ABCC4: variants seen among roughly 807,000 people sequenced by gnomAD.
ABCC4 encodes the protein ATP-binding cassette sub-family C member 4.
In ABCC4, 102 loss-of-function variants were observed where a neutral mutation model predicts 168.5. That is an observed-to-expected ratio of 0.61 (90% CI 0.52 to 0.71). The LOEUF (loss-of-function observed/expected upper bound fraction) is 0.71, where lower values mean the gene tolerates loss of function less well. Among genes scored for constraint, ABCC4 ranks in the 30% least tolerant of loss-of-function variants. The probability of loss-of-function intolerance (pLI) is 0.00; values close to 1 mark genes in which losing one functional copy is unlikely to be tolerated. For missense variants in ABCC4, 1,402 were observed against 1,605.8 expected, an observed-to-expected ratio of 0.87 and a Z score of 2.17; for synonymous variants, 617 against 590.7, an observed-to-expected ratio of 1.04 and a Z score of -0.65.
chr13:95,299,928 G>A (rs1333483524), intron 1 of ABCC4, among the ~76,000 whole-genome samples: 6 of 152,102 alleles, frequency 3.9e-5, no homozygotes, highest in East Asian at 1.9e-4. Context: ...TGCAACCTCC[G>A]CCTACTGGGT....
chr13:95,151,528 A>G (rs1318130411), intron 19 of ABCC4, among the ~76,000 whole-genome samples: 1 of 136,112 alleles, frequency 7.3e-6, no homozygotes, highest in African/African-American at 3.2e-5. Flanking sequence ...AGGAAGAAGG[A>G]AGAAGAATGA....
chr13:95,075,365 C>T lies in ABCC4; in HGVS notation c.2806+67G>A, dbSNP rs1269935818. 9 of 1,604,534 alleles carry T rather than the reference C, an allele frequency of 5.6e-6. No homozygotes were observed. The Admixed American group carries it at 6.7e-5, about 12-fold the overall frequency. On this transcript the variant is annotated intron_variant, in intron 22 of 30. Transcript: ENST00000645237. ...GTGCCTGCCAACAAGCTCATCTGAC[C>T]AGGGAGGTTAAGCCAGAAAAAGCAG...
chr13:95,140,812 T>A (rs2036294780), intron 19 of ABCC4, among the ~76,000 whole-genome samples: 1 of 152,222 alleles, frequency 6.6e-6, no homozygotes, highest in South Asian at 2.1e-4. Context: ...TGCCCGACAT[T>A]TTCCATCACT....
At chr13:95,083,829 A>G (rs2034178147) in intron 20 of ABCC4, among the ~76,000 whole-genome samples, 1 of 151,976 alleles carries the variant, frequency 6.6e-6, no homozygotes, top group African/African-American at 2.4e-5. Flanking sequence ...GGCCCCCATT[A>G]GTTCTTTTGA....
intron 20 of ABCC4, among the ~76,000 whole-genome samples, chr13:95,107,674 C>T (rs1328938003): frequency 4.6e-5 from 7 of 152,128 alleles, no homozygotes; most frequent in Non-Finnish European, 5.9e-5. Flanking sequence ...CTCCTGTAAT[C>T]CCAGCACTTT....
intron 20 of ABCC4, among the ~76,000 whole-genome samples, chr13:95,115,162 G>A (rs1299352406): frequency 1.3e-5 from 2 of 151,710 alleles, no homozygotes; most frequent in African/African-American, 2.4e-5. Flanking sequence ...CAAACCACAT[G>A]AGCAACAGTA....
chr13:95,064,133 T>A (rs985646089), intron 25 of ABCC4, among the ~76,000 whole-genome samples: 5 of 151,966 alleles, frequency 3.3e-5, no homozygotes, highest in African/African-American at 1.2e-4. Flanking sequence ...AATGTAAATG[T>A]TTAAAAAGTG....
chr13:95,095,919 T>C (rs1402839387), intron 20 of ABCC4: 1 of 377,376 alleles, frequency 2.6e-6, no homozygotes, highest in South Asian at 1.4e-4. Context: ...GAGTACTCAA[T>C]AGAAAAATTG....
intron 13 of ABCC4, among the ~76,000 whole-genome samples, chr13:95,171,505 G>A (rs563289930): frequency 5.3e-5 from 8 of 150,908 alleles, no homozygotes; most frequent in Admixed American, 1.3e-4. Flanking sequence ...ACAGTGAGCC[G>A]TCATCACACC....
chr13:95,144,027 T>C (rs1013306527), intron 19 of ABCC4, among the ~76,000 whole-genome samples: 2 of 152,184 alleles, frequency 1.3e-5, no homozygotes, highest in African/African-American at 2.4e-5. Flanking sequence ...GTAACTCAAA[T>C]TGGAATTCTT....
rs182032686 is a variant in ABCC4 at position 95,277,184 on chromosome 13, G to A, written c.74+24057C>T. ...CCCACCACTAACAGGCACTCTTATA[G>A]GTTCTAGACCTAGGATCATTTTTAC... On this transcript the variant is annotated intron_variant, in intron 1 of 30. Transcript: ENST00000645237. Among the ~76,000 whole-genome samples the A allele has an allele frequency of 3.6e-3, 555 of 152,134 alleles. 1 individual carries two copies. Among genetic ancestry groups the A allele is most frequent in the South Asian group, 0.013 (63 of 4,816 alleles).
intron 13 of ABCC4, among the ~76,000 whole-genome samples, chr13:95,176,488 C>G (rs1040334669): frequency 2.6e-5 from 4 of 152,042 alleles, no homozygotes; most frequent in African/African-American, 9.7e-5. Context: ...GAGCGAGATC[C>G]TATCTAAAAA....
intron 3 of ABCC4, among the ~76,000 whole-genome samples, chr13:95,245,851 A>AC (rs942209800): frequency 1.4e-5 from 2 of 138,484 alleles, no homozygotes; most frequent in Admixed American, 7.1e-5. Context: ...ACAGGAGCAA[A>AC]CCCCCCCACA....
chr13:95,106,112 A>G (rs1445648372), intron 20 of ABCC4, among the ~76,000 whole-genome samples: 2 of 152,154 alleles, frequency 1.3e-5, no homozygotes, highest in African/African-American at 4.8e-5. Context: ...CAAAGACCTT[A>G]GAGGGGTTCA....
chr13:95,038,374 CAAAAAA>C (rs74617293), intron 29 of ABCC4, among the ~76,000 whole-genome samples: 1 of 97,646 alleles, frequency 1.0e-5, no homozygotes, highest in Non-Finnish European at 1.9e-5. Context: ...AGCCCATACT[CAAAAAA>C]AAAAAAAAAA....
At chr13:95,177,827 C>T (rs753395736) in intron 12 of ABCC4, 34 bp from the exon 13 acceptor site, 1 of 1,580,560 alleles carries the variant, frequency 6.3e-7, no homozygotes, top group Non-Finnish European at 8.7e-7. Flanking sequence ...GACTCTCACC[C>T]AGGAACATGA....
Position 95,044,337 on chromosome 13 carries a change from G to A in ABCC4, c.3558C>T (p.Cys1186=). The A allele has an allele frequency of 6.2e-7, 1 of 1,613,636 alleles. No homozygotes were observed. The highest frequency in any genetic ancestry group is 1.1e-5 in the South Asian group (1 of 90,940). The stretch of plus-strand genomic sequence containing the variant: ...TTTTCCTGAGAATTGCCCTGGCAAG[G>A]CACACCAGTTGTCTTTGTCCAACAC... The part of the protein sequence containing the change: ...NFSVGQRQLV[C]LARAILRKNQ... The change falls in exon 28 of 31, where the codon TGC becomes TGT. Residue 1186 remains cysteine, a synonymous_variant. Coordinates refer to ENST00000645237, the MANE Select transcript of ABCC4 (RefSeq NM_005845.5).
intron 9 of ABCC4, among the ~76,000 whole-genome samples, chr13:95,193,739 G>A (rs909517140): frequency 5.9e-5 from 9 of 152,182 alleles, no homozygotes; most frequent in Non-Finnish European, 8.8e-5. Context: ...TGCAAGTTAC[G>A]TAATCTGAGC....
At chr13:95,265,368 A>G (rs968655522) in intron 1 of ABCC4, among the ~76,000 whole-genome samples, 3 of 152,194 alleles carry the variant, frequency 2.0e-5, no homozygotes, top group East Asian at 1.9e-4. Flanking sequence ...ACCAGATGTT[A>G]AAGTATTTCA....
Sources: allele counts gnomAD v4.1 joint callset (sites outside exome capture counted in the v4.1 genomes callset), GRCh38; gene constraint gnomAD v4.1.1; transcripts MANE v1.5; gene names NCBI Gene and HGNC (gene_info 2026-07-23, HGNC 2026-07-21).